PNP: variants seen among roughly 807,000 people sequenced by gnomAD.
PNP encodes purine nucleoside phosphorylase.
In PNP, 18 loss-of-function variants were observed where a neutral mutation model predicts 26.8. The observed-to-expected ratio is 0.67, with a 90% CI of 0.46 to 1.00. The LOEUF (loss-of-function observed/expected upper bound fraction) is 1.00. Ranked by LOEUF, PNP falls within the 50% of genes least tolerant of loss-of-function variation. The probability of loss-of-function intolerance (pLI) is 0.00; values close to 1 mark genes in which losing one functional copy is unlikely to be tolerated. For synonymous variants in PNP, 116 were observed against 124.8 expected, an observed-to-expected ratio of 0.93 and a Z score of 0.47; for missense variants, 320 against 362.9, an observed-to-expected ratio of 0.88 and a Z score of 0.96.
rs749169241 is a variant in PNP, at chr14:20,475,248, T to C, written c.648T>C (p.Ala216=). 3 of 1,610,988 alleles carry C rather than the reference T, an allele frequency of 1.9e-6. No individual in the cohort carries two copies. The East Asian group carries it at 6.7e-5, about 36-fold the overall frequency. Reference sequence around the variant, plus strand: ...TGCTGCAGAAGCTGGGAGCAGACGCTGTTGGTGAGAAGGGGAATTTGGCTG... The same window carrying C: ...TGCTGCAGAAGCTGGGAGCAGACGCCGTTGGTGAGAAGGGGAATTTGGCTG... The part of the protein sequence containing the change: ...CRVLQKLGAD[A]VGMSTVPEVI... Residue 216 remains alanine, a synonymous_variant, in exon 5 of 6, where the codon GCT becomes GCC. Transcript: ENST00000361505.
intron 5 of PNP, among the ~76,000 whole-genome samples, chr14:20,475,484 G>T (rs908321800): frequency 4.6e-5 from 7 of 152,136 alleles, no homozygotes; most frequent in Non-Finnish European, 7.4e-5. Context: ...ATCTATCCAT[G>T]ATTTGATGAC....
rs141214168 is a variant in PNP, at chr14:20,475,341, G to A, written c.652+89G>A. On this transcript the variant is annotated intron_variant, in intron 5 of 5. Coordinates refer to ENST00000361505, the MANE Select transcript of PNP (RefSeq NM_000270.4). ...GGAGTAGGAAATAACAGGCCTCATT[G>A]GACTGAGAGGATCTGATTTCAGGGA... is the stretch of plus-strand genomic sequence containing the variant. 603 of 1,092,190 alleles carry A rather than the reference G, an allele frequency of 5.5e-4. 1 individual carries two copies. The African/African-American group carries it at 7.6e-3, about 14-fold the overall frequency. The allele number at this position is 1,092,190 out of a possible 1,614,324, so 67.7% of individuals were successfully genotyped here.
chr14:20,474,792 T>A lies in PNP; in HGVS notation c.305T>A (p.Val102Asp). Residue 102 changes from valine to aspartate, a missense_variant, in exon 4 of 6, where the codon GTT (valine) becomes GAT (aspartate). By Grantham distance (152) the Val-to-Asp change is radical (BLOSUM62 -3). Coordinates refer to ENST00000361505, the MANE Select transcript of PNP (RefSeq NM_000270.4). ...TCGAAGGTGACATTCCCAGTGAGGGTTTTCCACCTTCTGGGTGTGGACACC... is the reference window on the plus strand; with the variant it reads ...TCGAAGGTGACATTCCCAGTGAGGGATTTCCACCTTCTGGGTGTGGACACC... ...PLWKVTFPVRVFHLLGVDTLV... is the reference protein window; with the variant it reads ...PLWKVTFPVRDFHLLGVDTLV... 5 of 1,614,054 alleles carry A rather than the reference T, an allele frequency of 3.1e-6. No homozygotes were observed. Among genetic ancestry groups the A allele is most frequent in the Non-Finnish European group, 3.4e-6 (4 of 1,179,994 alleles).
intron 5 of PNP, among the ~76,000 whole-genome samples, chr14:20,475,610 G>A (rs370792495): frequency 2.0e-5 from 3 of 151,906 alleles, no homozygotes; most frequent in Admixed American, 1.3e-4. Context: ...TCAGCCTTCC[G>A]AGTAGCTGGG....
chr14:20,475,310 G>C (rs1566525915), intron 5 of PNP, 58 bp downstream of exon 5: 1 of 1,485,460 alleles, frequency 6.7e-7, no homozygotes. Flanking sequence ...AAAATGGGAA[G>C]GGGAAGGAGT....
intron 1 of PNP, among the ~76,000 whole-genome samples, chr14:20,471,608 C>T (rs560752209): frequency 6.6e-6 from 1 of 152,198 alleles, no homozygotes; most frequent in Non-Finnish European, 1.5e-5. Context: ...AATTAACCCC[C>T]TTGTGATCCA....
chr14:20,475,128 TACCTGGAAACAAATG>T lies in PNP; in HGVS notation c.529_543del (p.Thr177_Met181del). On this transcript the variant is annotated inframe_deletion, in exon 5 of 6. Coordinates refer to ENST00000361505, the MANE Select transcript of PNP (RefSeq NM_000270.4). ...GGACTATGAGGCAGAGGGCTCTCAGTACCTGGAAACAAATGGGGGAGCAACGTGAGCTACAGGAAG... is the reference window on the plus strand; with the variant it reads ...GGACTATGAGGCAGAGGGCTCTCAGTGGGGAGCAACGTGAGCTACAGGAAG... 6.2e-7 allele frequency: 1 copy of T among 1,614,200 alleles called. No homozygotes were observed. Among genetic ancestry groups the T allele is most frequent in the Non-Finnish European group, 8.5e-7 (1 of 1,180,032 alleles).
intron 4 of PNP, 43 bp downstream of exon 4, chr14:20,474,991 A>G: frequency 6.2e-7 from 1 of 1,613,794 alleles, no homozygotes; most frequent in East Asian, 2.2e-5. Context: ...TAGGATTTAA[A>G]GACTTCTCTA....
intron 1 of PNP, chr14:20,469,792 C>G: frequency 3.3e-6 from 2 of 609,506 alleles, no homozygotes; most frequent in South Asian, 1.9e-5. Flanking sequence ...GCGGTCTAAG[C>G]TACTCCGTAA....
chr14:20,473,794 G>A (rs1465518318), intron 2 of PNP: 1 of 152,302 alleles, frequency 6.6e-6, no homozygotes, highest in African/African-American at 2.4e-5. Context: ...TTGAACTCCT[G>A]GCCTGTTGAT....
rs773515438 is a variant in PNP, at chr14:20,474,966, T to G, written c.461+18T>G. ...GATGAAAGGTATGTATGTTACTCCG[T>G]TTTTTTTAGGTGGGTAGGATTTAAA... On this transcript the variant is annotated intron_variant, in intron 4 of 5. Coordinates refer to ENST00000361505, the MANE Select transcript of PNP (RefSeq NM_000270.4). 8 of 1,611,542 alleles carry G rather than the reference T, an allele frequency of 5.0e-6. No individual in the cohort carries two copies. In the South Asian group the frequency reaches 6.6e-5, roughly 13 times the overall value.
chr14:20,472,432 C>T lies in PNP; in HGVS notation c.136C>T (p.Gln46Ter). The change falls in exon 2 of 6, where the codon CAG becomes TAG. Residue 46 changes from glutamine (Q) to a stop codon, truncating the protein, a stop_gained. Transcript: ENST00000361505. LOFTEE classifies it high-confidence loss of function. ...GGLTDKLTQAQIFDYGEIPNF... is the reference protein window; with the variant it reads ...GGLTDKLTQA ...TCTGACTGATAAATTAACTCAGGCC[C>T]AGATCTTTGACTACGGTGAAATCCC... The T allele has an allele frequency of 1.2e-6, 2 of 1,614,100 alleles. No individual in the cohort carries two copies. Among genetic ancestry groups the T allele is most frequent in the Non-Finnish European group, 1.7e-6 (2 of 1,179,960 alleles).
At chr14:20,475,333 G>T (rs1055803011) in intron 5 of PNP, 81 bp downstream of exon 5, 10 of 1,210,010 alleles carry the variant, frequency 8.3e-6, no homozygotes, top group Middle Eastern at 2.5e-4. Flanking sequence ...GAAATAACAG[G>T]CCTCATTGGA....
chr14:20,471,083 T>TGCCAGAATCTGTTTTTC (rs1881975728), intron 1 of PNP, among the ~76,000 whole-genome samples: 1 of 151,822 alleles, frequency 6.6e-6, no homozygotes, highest in Non-Finnish European at 1.5e-5. Flanking sequence ...CAGGCTGGAG[T>TGCCAGAATCTGTTTTTC]TCAGTGGAGC....
At position 20,476,702 on chromosome 14, in the gene PNP, G is replaced by A; in HGVS notation, c.*101G>A. 1.1e-6 allele frequency: 1 copy of A among 921,126 alleles called. No homozygotes were observed. Among genetic ancestry groups the A allele is most frequent in the South Asian group, 1.4e-5 (1 of 72,866 alleles). 57.1% of individuals were successfully genotyped at this position (921,126 alleles called of 1,614,324 possible). A position where few individuals can be genotyped will look rare whatever the true frequency, so the allele number is the denominator to read the frequency against. On this transcript the variant is annotated 3_prime_UTR_variant, in exon 6 of 6. Transcript: ENST00000361505. ...CATGTGCCTCTGTCCTTAGGTTGTA[G>A]CAGAAAGGAAAAGATTCCTGTCCTT... is the stretch of plus-strand genomic sequence containing the variant.
rs868711040 is a variant in PNP at position 20,474,286 on chromosome 14, A to C, written c.182-186A>C. On this transcript the variant is annotated intron_variant, in intron 2 of 5. Transcript: ENST00000361505. ...CTCTAATCTTGGGTTGTATTTGTAT[A>C]ATTATTAGTAATGCCTGGCTCTCTC... 79 of 591,104 alleles carry C rather than the reference A, an allele frequency of 1.3e-4. 2 individuals are homozygous for C. The highest frequency in any genetic ancestry group is 1.0e-3 in the South Asian group (54 of 53,426). 36.6% of individuals were successfully genotyped at this position (591,104 alleles called of 1,614,324 possible).
chr14:20,469,480 C>A lies in PNP; in HGVS notation c.-45C>A. 6.5e-7 allele frequency: 1 copy of A among 1,549,924 alleles called. No individual in the cohort carries two copies. The highest frequency in any genetic ancestry group is 2.0e-5 in the Admixed American group (1 of 51,010). On this transcript the variant is annotated 5_prime_UTR_variant, in exon 1 of 6. Coordinates refer to ENST00000361505, the MANE Select transcript of PNP (RefSeq NM_000270.4). ...CGGATCCGATCGGATCGGAGCGGAT[C>A]GGAGCACACCGGAGCAGGCTCATCG...
chr14:20,469,427 C>A lies in PNP; in HGVS notation c.-98C>A. The stretch of plus-strand genomic sequence containing the variant: ...AGCCAACTGTGCGAACCAGACCCGG[C>A]AGCCTTGCTCAGTTCAGCATAGCGG... On this transcript the variant is annotated 5_prime_UTR_variant, in exon 1 of 6. Coordinates refer to ENST00000361505, the MANE Select transcript of PNP (RefSeq NM_000270.4). The A allele has an allele frequency of 6.7e-7, 1 of 1,488,262 alleles. No individual in the cohort carries two copies. Among genetic ancestry groups the A allele is most frequent in the Non-Finnish European group, 9.2e-7 (1 of 1,090,824 alleles). 92.2% of individuals were successfully genotyped at this position (1,488,262 alleles called of 1,614,324 possible).
In PNP at chr14:20,475,230, G is replaced by A; in HGVS notation, c.630G>A (p.Gln210=). The change falls in exon 5 of 6, where the codon CAG becomes CAA. Residue 210 remains glutamine, a synonymous_variant. Coordinates refer to ENST00000361505, the MANE Select transcript of PNP (RefSeq NM_000270.4). ...CTGTGGCAGAATGTCGTGTGCTGCA[G>A]AAGCTGGGAGCAGACGCTGTTGGTG... ...FETVAECRVL[Q]KLGADAVGMS... The A allele has an allele frequency of 1.1e-5, 18 of 1,613,376 alleles. No homozygotes were observed. The highest frequency in any genetic ancestry group is 1.5e-5 in the Non-Finnish European group (18 of 1,179,378).
Sources: gnomAD v4.1 joint callset for allele counts (sites outside exome capture counted in the v4.1 genomes callset) on GRCh38, gnomAD v4.1.1 for gene constraint, MANE v1.5 for transcripts, NCBI Gene and HGNC (gene_info 2026-07-23, HGNC 2026-07-21) for gene names.